MAN1A1: variants seen among roughly 807,000 people sequenced by gnomAD.
MAN1A1 encodes mannosidase alpha class 1A member 1, also known as mannosyl-oligosaccharide 1,2-alpha-mannosidase IA.
A neutral mutation model predicts 70.8 loss-of-function variants in MAN1A1; 29 were observed. That is an observed-to-expected ratio of 0.41 (90% CI 0.31 to 0.56). The LOEUF is 0.56. Among genes scored for constraint, MAN1A1 ranks in the 20% least tolerant of loss-of-function variants. The pLI is 0.29. For missense variants in MAN1A1, 747 were observed against 841.3 expected (o/e 0.89, Z 1.39); for synonymous variants, 349 against 330.1 (o/e 1.06, Z -0.62).
chr6:119,316,228 A>G (rs1772850402), intron 2 of MAN1A1, among the ~76,000 whole-genome samples: 1 of 132,858 alleles, frequency 7.5e-6, no homozygotes, highest in African/African-American at 2.9e-5. Flanking sequence ...CCCAGGCTGG[A>G]ATGCAGTGGC....
At chr6:119,251,368 T>G (rs1420212582) in intron 5 of MAN1A1, among the ~76,000 whole-genome samples, 1 of 152,148 alleles carries the variant, frequency 6.6e-6, no homozygotes, top group Non-Finnish European at 1.5e-5. Flanking sequence ...AGCTCCAGCT[T>G]TTGAGTCTTC....
intron 4 of MAN1A1, among the ~76,000 whole-genome samples, chr6:119,292,304 A>C (rs1049446506): frequency 7.1e-6 from 1 of 141,602 alleles, no homozygotes; most frequent in Non-Finnish European, 1.6e-5. Context: ...TTTGCCTAAC[A>C]TCAAACCATT....
At chr6:119,187,489 GAC>G (rs1773321711) in intron 11 of MAN1A1, among the ~76,000 whole-genome samples, 1 of 152,260 alleles carries the variant, frequency 6.6e-6, no homozygotes, top group African/African-American at 2.4e-5. Flanking sequence ...TTAATGATAA[GAC>G]ACATATTAAA....
chr6:119,320,222 T>G (rs1772970060), intron 2 of MAN1A1, among the ~76,000 whole-genome samples: 1 of 152,150 alleles, frequency 6.6e-6, no homozygotes, highest in Non-Finnish European at 1.5e-5. Flanking sequence ...TCTGCCTGCC[T>G]CCGCCTCCCA....
intron 5 of MAN1A1, among the ~76,000 whole-genome samples, chr6:119,276,082 G>T (rs1776056206): frequency 6.6e-6 from 1 of 152,112 alleles, no homozygotes; most frequent in African/African-American, 2.4e-5. Context: ...AGGAAAGAAA[G>T]AAATGAACCA....
At chr6:119,271,503 T>C (rs1032747554) in intron 5 of MAN1A1, among the ~76,000 whole-genome samples, 6 of 151,726 alleles carry the variant, frequency 4.0e-5, no homozygotes, top group African/African-American at 1.5e-4. Context: ...AGTAGCCCCA[T>C]CTTTTTTTTT....
At chr6:119,344,697 C>T (rs1773681560) in intron 2 of MAN1A1, among the ~76,000 whole-genome samples, 1 of 152,110 alleles carries the variant, frequency 6.6e-6, no homozygotes, top group Non-Finnish European at 1.5e-5. Flanking sequence ...TTTAACCTGC[C>T]AAGGCAGATT....
chr6:119,346,152 C>G (rs759700097), intron 2 of MAN1A1, among the ~76,000 whole-genome samples: 6 of 152,088 alleles, frequency 3.9e-5, no homozygotes, highest in Non-Finnish European at 8.8e-5. Flanking sequence ...AAAACTAAGG[C>G]AAAGATCTAC....
intron 6 of MAN1A1, among the ~76,000 whole-genome samples, chr6:119,228,200 C>A (rs1336676226): frequency 6.6e-6 from 1 of 152,118 alleles, no homozygotes; most frequent in East Asian, 1.9e-4. Context: ...GATTGTTCAC[C>A]AGCATATTTA....
At chr6:119,343,620 T>C (rs1773653756) in intron 2 of MAN1A1, among the ~76,000 whole-genome samples, 1 of 152,210 alleles carries the variant, frequency 6.6e-6, no homozygotes, top group Non-Finnish European at 1.5e-5. Flanking sequence ...CTAAGAATAC[T>C]GAGGGAAAAG....
intron 6 of MAN1A1, among the ~76,000 whole-genome samples, chr6:119,206,379 C>T (rs116847010): frequency 0.017 from 2,651 of 152,220 alleles, 37 homozygotes; most frequent in Non-Finnish European, 0.027. Context: ...CCTGTCCTGG[C>T]GTCTGCTGCC....
chr6:119,326,108 G>A (rs1247668741), intron 2 of MAN1A1, among the ~76,000 whole-genome samples: 1 of 152,226 alleles, frequency 6.6e-6, no homozygotes, highest in Admixed American at 6.5e-5. Context: ...ACACTCAGGG[G>A]CCGTAGATAG....
At chr6:119,214,092 G>C (rs11153796) in intron 6 of MAN1A1, among the ~76,000 whole-genome samples, 49,025 of 152,020 alleles carry the variant, frequency 0.32, 8,380 homozygotes, top group Non-Finnish European at 0.35. Flanking sequence ...AGCCTCCTGA[G>C]TAGCTGGGAT....
chr6:119,291,495 CTCTATT>C (rs1229847326), intron 4 of MAN1A1, among the ~76,000 whole-genome samples: 1 of 151,298 alleles, frequency 6.6e-6, no homozygotes, highest in African/African-American at 2.4e-5. Flanking sequence ...ATTTGATATT[CTCTATT>C]TGTGTAAACA....
chr6:119,333,908 C>A (rs1199631821), intron 2 of MAN1A1, among the ~76,000 whole-genome samples: 2 of 152,050 alleles, frequency 1.3e-5, no homozygotes, highest in Non-Finnish European at 2.9e-5. Flanking sequence ...GAACTACAAC[C>A]ACAGAAGCAA....
At chr6:119,185,714 C>A (rs1037315678) in intron 11 of MAN1A1, among the ~76,000 whole-genome samples, 4 of 151,622 alleles carry the variant, frequency 2.6e-5, no homozygotes, top group African/African-American at 4.8e-5. Flanking sequence ...GTAGCTGGGA[C>A]TACAGGCGCC....
At chr6:119,257,217 G>C (rs532377655) in intron 5 of MAN1A1, among the ~76,000 whole-genome samples, 6 of 152,184 alleles carry the variant, frequency 3.9e-5, no homozygotes, top group African/African-American at 1.2e-4. Flanking sequence ...TCATGATAGC[G>C]AGCAGGTGGA....
chr6:119,249,558 G>A (rs540998367), intron 5 of MAN1A1, among the ~76,000 whole-genome samples: 51 of 152,286 alleles, frequency 3.3e-4, no homozygotes, highest in African/African-American at 1.2e-3. Context: ...AGAGAGGCTG[G>A]AGGAGCCCTG....
chr6:119,333,668 A>G (rs192888335), intron 2 of MAN1A1, among the ~76,000 whole-genome samples: 9 of 152,368 alleles, frequency 5.9e-5, no homozygotes, highest in Admixed American at 1.3e-4. Flanking sequence ...TTACCAGATC[A>G]GTCAAAAGTG....
Sources: gnomAD v4.1 joint callset for allele counts (sites outside exome capture counted in the v4.1 genomes callset) on GRCh38, gnomAD v4.1.1 for gene constraint, MANE v1.5 for transcripts, NCBI Gene and HGNC (gene_info 2026-07-23, HGNC 2026-07-21) for gene names.